CNOT6: variants seen among roughly 807,000 people sequenced by gnomAD.
CNOT6 encodes the protein carbon catabolite repression 4 protein.
In CNOT6, 12 loss-of-function variants were observed where a neutral mutation model predicts 61.2. That is an observed-to-expected ratio of 0.20 (90% CI 0.13 to 0.32). The LOEUF is 0.32. Ranked by LOEUF, CNOT6 falls within the 10% of genes least tolerant of loss-of-function variation. CNOT6 has a pLI of 1.00. For synonymous variants in CNOT6, 225 were observed against 240.6 expected (o/e 0.94, Z 0.60); for missense variants, 405 against 663.9 (o/e 0.61, Z 4.28).
intron 2 of CNOT6, among the ~76,000 whole-genome samples, chr5:180,541,481 T>G (rs1453975892): frequency 2.5e-5 from 3 of 122,264 alleles, no homozygotes; most frequent in African/African-American, 6.1e-5. Context: ...AGACAGAGTT[T>G]CGCTCTGTTG....
chr5:180,573,215 G>T (rs1760837317), intron 11 of CNOT6, among the ~76,000 whole-genome samples: 1 of 152,176 alleles, frequency 6.6e-6, no homozygotes, highest in African/African-American at 2.4e-5. Context: ...ATGTAGAGGG[G>T]AGGACCAGAA....
Position 180,564,597 on chromosome 5 carries a change from AGT to A in CNOT6, c.490+6_490+7del. On this transcript the variant is annotated splice_donor_5th_base_variant and intron_variant, in intron 5 of 11. Coordinates refer to ENST00000261951, the MANE Select transcript of CNOT6 (RefSeq NM_001370472.1). ...TTGTCAGGTACTGCAAAAAGAAGTA[AGT>A]GGTTATTTGTTTAAACCTTTTTATT... 1 of 1,612,626 alleles carries A rather than the reference AGT, an allele frequency of 6.2e-7. No individual in the cohort carries two copies. Among genetic ancestry groups the A allele is most frequent in the South Asian group, 1.1e-5 (1 of 91,040 alleles).
At chr5:180,495,578 G>A (rs953227539) in intron 1 of CNOT6, 2 of 152,218 alleles carry the variant, frequency 1.3e-5, no homozygotes, top group African/African-American at 4.8e-5. Context: ...CTTTGGATTT[G>A]TTGTTACTGT....
At chr5:180,505,288 C>G (rs1581467950) in intron 1 of CNOT6, among the ~76,000 whole-genome samples, 1 of 90,666 alleles carries the variant, frequency 1.1e-5, no homozygotes, top group Non-Finnish European at 2.0e-5. Flanking sequence ...CGGAGTCTGG[C>G]TCTGTCGCCC....
chr5:180,574,301 G>T lies in CNOT6; in HGVS notation c.*101G>T. On this transcript the variant is annotated 3_prime_UTR_variant, in exon 12 of 12. Transcript: ENST00000261951. ...CCACTGAGGATTTTTGCTTGCTTAA[G>T]AATGATTTGGACTTTCAATCTGATT... 1 of 930,544 alleles carries T rather than the reference G, an allele frequency of 1.1e-6. No homozygotes were observed. Among genetic ancestry groups the T allele is most frequent in the African/African-American group, 1.6e-5 (1 of 61,578 alleles). The allele number at this position is 930,544 out of a possible 1,614,324, so 57.6% of individuals were successfully genotyped here.
intron 2 of CNOT6, among the ~76,000 whole-genome samples, chr5:180,538,688 A>ATG (rs1758847995): frequency 5.0e-5 from 1 of 19,994 alleles, no homozygotes; most frequent in Non-Finnish European, 1.2e-4. Flanking sequence ...AGAAAAAGGT[A>ATG]TATATATATA....
In CNOT6 at chr5:180,529,952, A is replaced by G. The variant is rs143440519; in HGVS notation, c.112+564A>G. Among the ~76,000 whole-genome samples, 431 of 152,340 alleles carry G rather than the reference A, an allele frequency of 2.8e-3. 3 individuals carry two copies. The highest frequency in any genetic ancestry group is 6.9e-3 in the Admixed American group (105 of 15,300). ...TTTTAATGCAATCTGGACATATTCA[A>G]AGAAATATATGAGCCCTCAGATGTG... On this transcript the variant is annotated intron_variant, in intron 2 of 11. Coordinates refer to ENST00000261951, the MANE Select transcript of CNOT6 (RefSeq NM_001370472.1).
chr5:180,538,517 C>T (rs1028555880), intron 2 of CNOT6, among the ~76,000 whole-genome samples: 4 of 151,106 alleles, frequency 2.6e-5, no homozygotes, highest in African/African-American at 9.7e-5. Flanking sequence ...GAACCTCCGT[C>T]TCTACTAAAA....
chr5:180,511,752 T>C (rs956855227), intron 1 of CNOT6, among the ~76,000 whole-genome samples: 1 of 150,658 alleles, frequency 6.6e-6, no homozygotes, highest in African/African-American at 2.4e-5. Context: ...GGCAACAGAG[T>C]GAGACCCTGT....
At chr5:180,535,599 T>C (rs989228005) in intron 2 of CNOT6, among the ~76,000 whole-genome samples, 6 of 152,248 alleles carry the variant, frequency 3.9e-5, no homozygotes, top group African/African-American at 1.2e-4. Flanking sequence ...TTTGCTATTG[T>C]GAATAGTGCT....
At chr5:180,504,657 C>G (rs1423870428) in intron 1 of CNOT6, among the ~76,000 whole-genome samples, 1 of 152,194 alleles carries the variant, frequency 6.6e-6, no homozygotes, top group Non-Finnish European at 1.5e-5. Context: ...GACTTCCCCA[C>G]TGCTTACCTT....
At chr5:180,567,439 A>G (rs551849973) in intron 8 of CNOT6, among the ~76,000 whole-genome samples, 197 bp downstream of exon 8, 14 of 152,322 alleles carry the variant, frequency 9.2e-5, no homozygotes, top group African/African-American at 1.9e-4. Context: ...TGCTTAAAGT[A>G]CTGCTGTTTC....
At chr5:180,531,033 G>A (rs919301134) in intron 2 of CNOT6, among the ~76,000 whole-genome samples, 1 of 152,036 alleles carries the variant, frequency 6.6e-6, no homozygotes, top group Non-Finnish European at 1.5e-5. Flanking sequence ...TTTTCTATTC[G>A]ACAAAACCGC....
At chr5:180,548,272 A>G (rs1759413136) in intron 2 of CNOT6, among the ~76,000 whole-genome samples, 1 of 152,164 alleles carries the variant, frequency 6.6e-6, no homozygotes, top group African/African-American at 2.4e-5. Flanking sequence ...TTCCTCTGAC[A>G]TTTAGGAACG....
intron 1 of CNOT6, among the ~76,000 whole-genome samples, chr5:180,520,089 C>T (rs1757815875): frequency 6.6e-6 from 1 of 152,112 alleles, no homozygotes; most frequent in Non-Finnish European, 1.5e-5. Flanking sequence ...CTGCCTCTGC[C>T]TGCCAACGTG....
chr5:180,540,379 A>G (rs1758972076), intron 2 of CNOT6, among the ~76,000 whole-genome samples: 2 of 152,096 alleles, frequency 1.3e-5, no homozygotes, highest in South Asian at 4.1e-4. Flanking sequence ...ATACCATTTC[A>G]CTCATAAAAG....
intron 1 of CNOT6, among the ~76,000 whole-genome samples, chr5:180,513,433 T>C (rs1399133197): frequency 6.6e-6 from 1 of 151,920 alleles, no homozygotes; most frequent in East Asian, 1.9e-4. Flanking sequence ...TCTGGCACAA[T>C]CTCACTCATT....
intron 1 of CNOT6, among the ~76,000 whole-genome samples, chr5:180,528,839 G>A (rs900434428): frequency 1.3e-5 from 2 of 152,032 alleles, no homozygotes; most frequent in Non-Finnish European, 2.9e-5. Context: ...TCCTGTGCTT[G>A]GAATAATCAA....
At chr5:180,545,606 G>GT (rs1349307545) in intron 2 of CNOT6, among the ~76,000 whole-genome samples, 4 of 151,960 alleles carry the variant, frequency 2.6e-5, no homozygotes, top group African/African-American at 9.7e-5. Context: ...GCCAGCATTT[G>GT]TTTATTTGTT....
Sources: gnomAD v4.1 joint callset for allele counts (sites outside exome capture counted in the v4.1 genomes callset) on GRCh38, gnomAD v4.1.1 for gene constraint, MANE v1.5 for transcripts, NCBI Gene and HGNC (gene_info 2026-07-23, HGNC 2026-07-21) for gene names.